Variants in KCNIP4 observed in about 807,000 individuals in gnomAD.
The protein encoded by KCNIP4 is potassium voltage-gated channel interacting protein 4, also known as Kv channel-interacting protein 4.
A neutral mutation model predicts 34.0 loss-of-function variants in KCNIP4; 12 were observed. The observed-to-expected ratio is 0.35, with a 90% CI of 0.23 to 0.57. The LOEUF (loss-of-function observed/expected upper bound fraction) is 0.57, where lower values mean the gene tolerates loss of function less well. Among genes scored for constraint, KCNIP4 ranks in the 20% least tolerant of loss-of-function variants. The pLI, the probability that KCNIP4 is intolerant of heterozygous loss-of-function variation, is 0.83. For synonymous variants in KCNIP4, 124 were observed against 102.2 expected (o/e 1.21, Z -1.29); for missense variants, 238 against 311.7 (o/e 0.76, Z 1.78).
chr4:21,728,375 C>G (rs559624256), intron 1 of KCNIP4, among the ~76,000 whole-genome samples: 1 of 152,236 alleles, frequency 6.6e-6, no homozygotes, highest in South Asian at 2.1e-4. Context: ...ATGGTGTTGG[C>G]TCAATGTTCA....
At chr4:21,206,561 G>A (rs942908007) in intron 1 of KCNIP4, among the ~76,000 whole-genome samples, 1 of 152,182 alleles carries the variant, frequency 6.6e-6, no homozygotes, top group African/African-American at 2.4e-5. Context: ...AGTGAGAAGA[G>A]CATTAGACTG....
At position 20,803,727 on chromosome 4, in the gene KCNIP4, G is replaced by GAGGA. The variant is rs1553898989; in HGVS notation, c.289-44841_289-44838dup. ...AAAGAGAGAGAGAGAGAGAGAGAGAGAGGAAGGAAGGAAGGAAGGAAGGAA... is the reference window on the plus strand; with the variant it reads ...AAAGAGAGAGAGAGAGAGAGAGAGAGAGGAAGGAAGGAAGGAAGGAAGGAAGGAA... On this transcript the variant is annotated intron_variant, in intron 3 of 8. Transcript: ENST00000382152. Among the ~76,000 whole-genome samples, 145 of 91,480 alleles carry GAGGA rather than the reference G, an allele frequency of 1.6e-3. 1 individual carries two copies. Among genetic ancestry groups the GAGGA allele is most frequent in the Middle Eastern group, 0.011 (2 of 182 alleles). 60.0% of individuals were successfully genotyped at this position (91,480 alleles called of 152,430 possible).
At chr4:21,654,312 C>G (rs1313460675) in intron 1 of KCNIP4, among the ~76,000 whole-genome samples, 2 of 152,194 alleles carry the variant, frequency 1.3e-5, no homozygotes, top group African/African-American at 4.8e-5. Context: ...TGTTACTTAA[C>G]TGCCTTAATC....
intron 2 of KCNIP4, among the ~76,000 whole-genome samples, chr4:20,881,122 C>T (rs1724635789): frequency 6.6e-6 from 1 of 152,094 alleles, no homozygotes; most frequent in Non-Finnish European, 1.5e-5. Context: ...AAGAAGCAGG[C>T]AGTGACATAC....
At chr4:21,211,941 A>C (rs1757250501) in intron 1 of KCNIP4, among the ~76,000 whole-genome samples, 1 of 152,060 alleles carries the variant, frequency 6.6e-6, no homozygotes, top group Non-Finnish European at 1.5e-5. Context: ...TTATAAAAGC[A>C]AAAGTCCACT....
At chr4:21,936,425 TC>T (rs1483874457) in intron 1 of KCNIP4, among the ~76,000 whole-genome samples, 1 of 152,056 alleles carries the variant, frequency 6.6e-6, no homozygotes, top group Non-Finnish European at 1.5e-5. Flanking sequence ...AGAACGTGAG[TC>T]AATTAAACCT....
chr4:20,742,358 G>A (rs1751328771), intron 5 of KCNIP4, among the ~76,000 whole-genome samples: 3 of 152,114 alleles, frequency 2.0e-5, no homozygotes, highest in Non-Finnish European at 2.9e-5. Context: ...ACATCAAAAA[G>A]CTTATCCACC....
intron 1 of KCNIP4, among the ~76,000 whole-genome samples, chr4:20,952,427 A>G (rs1392119977): frequency 6.6e-6 from 1 of 152,206 alleles, no homozygotes; most frequent in East Asian, 1.9e-4. Context: ...TGTATGTACT[A>G]AAGTTATTAC....
intron 1 of KCNIP4, among the ~76,000 whole-genome samples, chr4:21,132,510 C>T (rs1160516469): frequency 1.3e-5 from 2 of 152,080 alleles, no homozygotes; most frequent in African/African-American, 4.8e-5. Flanking sequence ...TTAAAAGTGC[C>T]TCATTTCTCT....
intron 1 of KCNIP4, among the ~76,000 whole-genome samples, chr4:21,310,692 C>T (rs991520751): frequency 4.6e-5 from 7 of 151,794 alleles, no homozygotes; most frequent in Non-Finnish European, 8.8e-5. Flanking sequence ...AGTGCAGTGG[C>T]GCGATTTCGG....
At chr4:21,336,878 C>G (rs1716230828) in intron 1 of KCNIP4, among the ~76,000 whole-genome samples, 1 of 152,006 alleles carries the variant, frequency 6.6e-6, no homozygotes, top group Non-Finnish European at 1.5e-5. Flanking sequence ...ACATACGCAA[C>G]TTTAACAGCA....
At chr4:21,945,056 T>C (rs1490031503) in intron 1 of KCNIP4, among the ~76,000 whole-genome samples, 1 of 152,116 alleles carries the variant, frequency 6.6e-6, no homozygotes, top group Admixed American at 6.5e-5. Flanking sequence ...AAAAAACACA[T>C]TCTGTTATGT....
At chr4:21,403,050 T>A (rs1318633145) in intron 1 of KCNIP4, among the ~76,000 whole-genome samples, 3 of 152,146 alleles carry the variant, frequency 2.0e-5, no homozygotes, top group Admixed American at 2.0e-4. Flanking sequence ...CCAAAGACTT[T>A]TACTAGCACT....
intron 1 of KCNIP4, among the ~76,000 whole-genome samples, chr4:21,496,639 A>G (rs531499699): frequency 3.3e-5 from 5 of 152,210 alleles, no homozygotes; most frequent in South Asian, 2.1e-4. Context: ...GGGGTCCCCA[A>G]CCTTGGGGCT....
intron 4 of KCNIP4, chr4:20,752,694 T>C (rs1476013414): frequency 1.3e-5 from 2 of 152,230 alleles, no homozygotes; most frequent in Non-Finnish European, 2.9e-5. Context: ...TGGCAAGCAC[T>C]TGAAGACAGT....
chr4:21,835,781 C>G (rs1264187392), intron 1 of KCNIP4, among the ~76,000 whole-genome samples: 1 of 151,888 alleles, frequency 6.6e-6, no homozygotes, highest in Non-Finnish European at 1.5e-5. Context: ...TAGAAGCAAA[C>G]AAATACCAAT....
At chr4:21,407,217 T>C (rs962102443) in intron 1 of KCNIP4, among the ~76,000 whole-genome samples, 1 of 151,776 alleles carries the variant, frequency 6.6e-6, no homozygotes, top group South Asian at 2.1e-4. Flanking sequence ...AAATTCCCTC[T>C]GCCTAGAGAA....
intron 1 of KCNIP4, among the ~76,000 whole-genome samples, chr4:21,038,428 C>G (rs577601464): frequency 3.3e-5 from 5 of 152,228 alleles, no homozygotes; most frequent in African/African-American, 1.2e-4. Context: ...CAGTTTATGA[C>G]TCATAGCAGA....
At position 21,038,015 on chromosome 4, in the gene KCNIP4, G is replaced by A. The variant is rs1160486903; in HGVS notation, c.62-155306C>T. On this transcript the variant is annotated intron_variant, in intron 1 of 8. Coordinates refer to ENST00000382152, the MANE Select transcript of KCNIP4 (RefSeq NM_025221.6). ...TGTTTTTCCTTTGAGACGGAGTCTC[G>A]CTCTGTCGCCCAGGCTGGAGTGCAG... is the stretch of plus-strand genomic sequence containing the variant. Among the ~76,000 whole-genome samples, 5 of 152,166 alleles carry A rather than the reference G, an allele frequency of 3.3e-5. 1 individual carries two copies. The East Asian group carries it at 5.8e-4, about 18-fold the overall frequency.
Sources: allele counts gnomAD v4.1 joint callset (sites outside exome capture counted in the v4.1 genomes callset), GRCh38; gene constraint gnomAD v4.1.1; transcripts MANE v1.5; gene names NCBI Gene and HGNC (gene_info 2026-07-23, HGNC 2026-07-21).